The following ARHGAP39 variants were observed in gnomAD, a reference collection of about 807,000 sequenced individuals.
The protein encoded by ARHGAP39 is rho GTPase-activating protein 39.
ARHGAP39 carries 44 observed loss-of-function variants against 106.9 expected under a neutral mutation model. The observed-to-expected ratio is 0.41, with a 90% CI of 0.32 to 0.53. The LOEUF is 0.53. Among genes scored for constraint, ARHGAP39 ranks in the 20% least tolerant of loss-of-function variants. The pLI, the probability that ARHGAP39 is intolerant of heterozygous loss-of-function variation, is 0.21. For synonymous variants in ARHGAP39, 768 were observed against 693.2 expected (o/e 1.11, Z -1.69); for missense variants, 1,496 against 1,577.3 (o/e 0.95, Z 0.87).
At chr8:144,600,483 CGT>C (rs1389937275) in intron 2 of ARHGAP39, among the ~76,000 whole-genome samples, 2 of 124,690 alleles carry the variant, frequency 1.6e-5, no homozygotes, top group Non-Finnish European at 1.6e-5. Context: ...TGCATCGAGG[CGT>C]GTGTGCACAC....
intron 1 of ARHGAP39, among the ~76,000 whole-genome samples, chr8:144,649,217 G>A (rs920716237): frequency 6.7e-6 from 1 of 150,340 alleles, no homozygotes; most frequent in Non-Finnish European, 1.5e-5. Context: ...GCTGAGGTGG[G>A]CAGATCACCG....
chr8:144,589,270 A>C (rs1320939769), intron 2 of ARHGAP39, among the ~76,000 whole-genome samples: 1 of 152,230 alleles, frequency 6.6e-6, no homozygotes, highest in Non-Finnish European at 1.5e-5. Flanking sequence ...TAAAATGTTA[A>C]TTTTATACTC....
intron 6 of ARHGAP39, among the ~76,000 whole-genome samples, chr8:144,545,042 GC>G (rs1430321776): frequency 3.0e-4 from 46 of 152,244 alleles, no homozygotes; most frequent in Admixed American, 1.6e-3. Context: ...GGGCTCCGGG[GC>G]TCTTCACCTC....
At chr8:144,672,033 G>C (rs914450552) in intron 1 of ARHGAP39, among the ~76,000 whole-genome samples, 9 of 152,250 alleles carry the variant, frequency 5.9e-5, no homozygotes, top group Non-Finnish European at 1.2e-4. Context: ...CGCCGTCTGT[G>C]ATTCCGGCAC....
chr8:144,590,414 G>T lies in ARHGAP39; in HGVS notation c.81-9137C>A, dbSNP rs367665201. Among the ~76,000 whole-genome samples the T allele has an allele frequency of 4.0e-4, 61 of 152,302 alleles. 1 individual carries two copies. In the South Asian group the frequency reaches 0.012, roughly 31 times the overall value. ...CCTCATGGCTCAGTGCCGTCTTCTC[G>T]ACTGTGAGTGAGTTCTTGTGAGATC... On this transcript the variant is annotated intron_variant, in intron 2 of 11. Transcript: ENST00000377307.
chr8:144,581,850 G>A (rs960815612), intron 2 of ARHGAP39, among the ~76,000 whole-genome samples: 5 of 152,156 alleles, frequency 3.3e-5, no homozygotes, highest in Non-Finnish European at 7.4e-5. Flanking sequence ...GACCCCCGCT[G>A]GGGGCACAGC....
chr8:144,648,936 C>T (rs1395907497), intron 1 of ARHGAP39, among the ~76,000 whole-genome samples: 3 of 151,814 alleles, frequency 2.0e-5, no homozygotes, highest in African/African-American at 4.8e-5. Context: ...ACATCACAAC[C>T]GAAAGAATCA....
chr8:144,531,224 A>C (rs1816704606), intron 10 of ARHGAP39, among the ~76,000 whole-genome samples: 1 of 132,298 alleles, frequency 7.6e-6, no homozygotes, highest in East Asian at 2.1e-4. Context: ...TAGACATAGC[A>C]GGCACGGCAG....
intron 1 of ARHGAP39, among the ~76,000 whole-genome samples, chr8:144,615,301 CAA>C (rs1465070056): frequency 2.6e-4 from 39 of 151,146 alleles, no homozygotes; most frequent in African/African-American, 9.2e-4. Flanking sequence ...GCCTGGGCAA[CAA>C]AGTGAGACCC....
chr8:144,681,449 G>A (rs1404155901), intron 1 of ARHGAP39, among the ~76,000 whole-genome samples: 3 of 152,304 alleles, frequency 2.0e-5, no homozygotes, highest in African/African-American at 2.4e-5. Context: ...GAGACGGATC[G>A]CATAAGGTCT....
intron 1 of ARHGAP39, among the ~76,000 whole-genome samples, chr8:144,611,796 C>G (rs931075967): frequency 6.6e-5 from 10 of 152,036 alleles, no homozygotes; most frequent in Non-Finnish European, 1.3e-4. Flanking sequence ...CAGGAGGATC[C>G]CTTGAGGCCA....
intron 1 of ARHGAP39, among the ~76,000 whole-genome samples, chr8:144,657,920 G>T (rs1360795564): frequency 2.0e-5 from 3 of 151,700 alleles, no homozygotes; most frequent in Non-Finnish European, 4.4e-5. Flanking sequence ...ACTGGGGATT[G>T]AAAATATTTT....
intron 2 of ARHGAP39, among the ~76,000 whole-genome samples, chr8:144,599,282 T>G (rs1378190885): frequency 6.6e-6 from 1 of 152,096 alleles, no homozygotes; most frequent in Non-Finnish European, 1.5e-5. Flanking sequence ...AACACAAGAC[T>G]GAGGCACACA....
At chr8:144,545,944 A>G (rs910650632) in intron 5 of ARHGAP39, 134 bp from the exon 6 acceptor site, 1 of 726,082 alleles carries the variant, frequency 1.4e-6, no homozygotes, top group Admixed American at 3.0e-5. Context: ...TGCCCTGCTC[A>G]CCACAAAGCT....
At chr8:144,557,166 C>T (rs980660247) in intron 3 of ARHGAP39, among the ~76,000 whole-genome samples, 4 of 143,578 alleles carry the variant, frequency 2.8e-5, no homozygotes, top group African/African-American at 5.5e-5. Context: ...GCTGAACCTT[C>T]GTAGTATTCA....
At chr8:144,626,891 C>T (rs1257915188) in intron 1 of ARHGAP39, among the ~76,000 whole-genome samples, 1 of 152,264 alleles carries the variant, frequency 6.6e-6, no homozygotes, top group Non-Finnish European at 1.5e-5. Context: ...AGCATGGAGG[C>T]AGCAGCACTG....
intron 3 of ARHGAP39, among the ~76,000 whole-genome samples, chr8:144,564,863 T>C (rs866482884): frequency 5.9e-4 from 89 of 150,762 alleles, no homozygotes; most frequent in African/African-American, 2.1e-3. Context: ...TCCCAGCACT[T>C]TGGGAGGCCA....
rs117387279 is a variant in ARHGAP39, at chr8:144,591,210, G to A, written c.81-9933C>T. On this transcript the variant is annotated intron_variant, in intron 2 of 11. Transcript: ENST00000377307. This position sits in a 1 kb window ranked among gnomAD's most constrained non-coding sequence, Gnocchi z 5.3. ...TCCATACACCTCCTCTCCCCAGCCGGAGCCTGGACCCCAATGGACAGCTGC... is the reference window on the plus strand; with the variant it reads ...TCCATACACCTCCTCTCCCCAGCCGAAGCCTGGACCCCAATGGACAGCTGC... Among the ~76,000 whole-genome samples the A allele has an allele frequency of 0.026, 3,930 of 152,274 alleles. 92 individuals carry two copies. Among genetic ancestry groups the A allele is most frequent in the Admixed American group, 0.066 (1,007 of 15,300 alleles).
chr8:144,535,054 G>C (rs573562304), intron 7 of ARHGAP39, among the ~76,000 whole-genome samples: 37 of 152,342 alleles, frequency 2.4e-4, no homozygotes, highest in African/African-American at 8.4e-4. Context: ...TCGGACAGAT[G>C]GACAGGACCC....
Sources: allele counts gnomAD v4.1 joint callset (sites outside exome capture counted in the v4.1 genomes callset), GRCh38; gene constraint gnomAD v4.1.1; non-coding constraint Gnocchi (gnomAD v3.1); transcripts MANE v1.5; gene names NCBI Gene and HGNC (gene_info 2026-07-23, HGNC 2026-07-21).